The following GON4L variants were observed in gnomAD, a reference collection of about 807,000 sequenced individuals.
GON4L encodes GON-4-like protein.
In GON4L, 87 loss-of-function variants were observed where a neutral mutation model predicts 211.8. The observed-to-expected ratio is 0.41, with a 90% CI of 0.35 to 0.49. The LOEUF is 0.49. Ranked by LOEUF, GON4L falls within the 20% of genes least tolerant of loss-of-function variation. GON4L has a pLI of 0.15. For missense variants in GON4L, 2,155 were observed against 2,659.5 expected, an observed-to-expected ratio of 0.81 and a Z score of 4.17; for synonymous variants, 875 against 962.6, an observed-to-expected ratio of 0.91 and a Z score of 1.68.
At chr1:155,818,321 A>C (rs1246384451) in intron 6 of GON4L, among the ~76,000 whole-genome samples, 2 of 152,090 alleles carry the variant, frequency 1.3e-5, no homozygotes, top group Non-Finnish European at 2.9e-5. Flanking sequence ...CATGTTGGCC[A>C]GGCTGGTCTC....
upstream of GON4L, chr1:155,859,336 G>T (rs1487798588): frequency 1.1e-5 from 2 of 177,384 alleles, no homozygotes; most frequent in South Asian, 1.0e-4. Context: ...GAACCACAGC[G>T]CGTCAGTGGG....
intron 12 of GON4L, among the ~76,000 whole-genome samples, chr1:155,794,057 T>C (rs1392720500): frequency 6.6e-6 from 1 of 152,166 alleles, no homozygotes; most frequent in Non-Finnish European, 1.5e-5. Context: ...AATCAGTTCC[T>C]ACTGATTTAC....
chr1:155,805,124 G>C lies in GON4L; in HGVS notation c.1470C>G (p.Leu490=). Residue 490 remains leucine, a synonymous_variant, in exon 11 of 32, where the codon CTC becomes CTG. Coordinates refer to ENST00000368331, the MANE Select transcript of GON4L (RefSeq NM_001282860.2). ...TCTTAGAACGCGTTCGAAATGCAAT[G>C]AGACTGTCATCCATGGGCTGGACAA... ...MDSFQPMDDS[L]IAFRTRSKMP... 6.2e-7 allele frequency: 1 copy of C among 1,613,022 alleles called. No homozygotes were observed. Among genetic ancestry groups the C allele is most frequent in the South Asian group, 1.1e-5 (1 of 91,056 alleles).
rs568555338 is a variant in GON4L at position 155,856,870 on chromosome 1, A to C, written c.-27+277T>G. Among the ~76,000 whole-genome samples, 20 of 152,312 alleles carry C rather than the reference A, an allele frequency of 1.3e-4. No individual in the cohort carries two copies. The South Asian group carries it at 4.2e-3, about 32-fold the overall frequency. Reference sequence around the variant, plus strand: ...ACAGAATCCACTTTTTTGGGAACCCAAGTCGGACCAGCAGGGTGAATGAAT... The same window carrying C: ...ACAGAATCCACTTTTTTGGGAACCCCAGTCGGACCAGCAGGGTGAATGAAT... On this transcript the variant is annotated intron_variant, in intron 1 of 31. Transcript: ENST00000368331.
chr1:155,853,672 C>T lies in GON4L; in HGVS notation c.109G>A (p.Asp37Asn). The T allele has an allele frequency of 6.2e-7, 1 of 1,613,740 alleles. No individual in the cohort carries two copies. ...DLESAVKPES[D>N]QVKDLSSVSL... ...ACCGAACTCAAGTCCTTAACCTGGT[C>T]AGATTCTGGTTTAACGGCTGATTCT... The change falls in exon 2 of 32, where the codon GAC becomes AAC. Residue 37 changes from aspartate to asparagine, a missense_variant. Asp to Asn is a conservative substitution (Grantham distance 23). Transcript: ENST00000368331.
At chr1:155,846,709 G>C (rs750107304) in intron 2 of GON4L, 2 of 151,880 alleles carry the variant, frequency 1.3e-5, no homozygotes, top group African/African-American at 4.8e-5. Context: ...CACTTTAACT[G>C]CTTGTTAAAA....
At chr1:155,800,721 G>A (rs186724176) in intron 11 of GON4L, among the ~76,000 whole-genome samples, 9 of 151,776 alleles carry the variant, frequency 5.9e-5, no homozygotes, top group East Asian at 3.9e-4. Flanking sequence ...GCATGGTAGC[G>A]CGTACCTGTA....
chr1:155,794,976 C>T (rs887418629), intron 12 of GON4L, 74 bp downstream of exon 12: 3 of 887,088 alleles, frequency 3.4e-6, no homozygotes, highest in Admixed American at 3.4e-5. Context: ...AACTTCACCC[C>T]TAAAAATCTA....
chr1:155,827,839 CTAAAAA>C (rs1388799044), intron 2 of GON4L, among the ~76,000 whole-genome samples: 1 of 151,822 alleles, frequency 6.6e-6, no homozygotes, highest in Non-Finnish European at 1.5e-5. Flanking sequence ...TTTGTCTCTA[CTAAAAA>C]TAAAAATAAA....
At chr1:155,809,312 T>C (rs1423417180) in intron 10 of GON4L, among the ~76,000 whole-genome samples, 4 of 152,122 alleles carry the variant, frequency 2.6e-5, no homozygotes, top group Admixed American at 2.0e-4. Flanking sequence ...TATATGTTTA[T>C]AGTCTATCTC....
chr1:155,824,434 CAAAAAAAAAAAAAA>C (rs769823401), intron 3 of GON4L, among the ~76,000 whole-genome samples: 10 of 7,440 alleles, frequency 1.3e-3, no homozygotes, highest in South Asian at 4.9e-3. Context: ...AACTCCACAT[CAAAAAAAAAAAAAA>C]AAAAAAAAAA....
intron 13 of GON4L, 170 bp from the exon 14 acceptor site, chr1:155,784,259 T>C (rs1664707631): frequency 1.2e-6 from 1 of 826,148 alleles, no homozygotes; most frequent in Non-Finnish European, 1.9e-6. Flanking sequence ...AAACCCACAC[T>C]TGGGATGGCT....
At chr1:155,853,847 AAAGT>A in intron 1 of GON4L, 41 bp from the exon 2 acceptor site, 1 of 1,202,682 alleles carries the variant, frequency 8.3e-7, no homozygotes, top group Non-Finnish European at 1.2e-6. Flanking sequence ...ATATTAATTA[AAAGT>A]AATAACATTT....
intron 3 of GON4L, among the ~76,000 whole-genome samples, chr1:155,826,292 C>G (rs1429794061): frequency 6.6e-6 from 1 of 151,908 alleles, no homozygotes; most frequent in African/African-American, 2.4e-5. Flanking sequence ...TGGCTAGGCG[C>G]AGTGGCTCAC....
At chr1:155,852,138 C>A (rs887832302) in intron 2 of GON4L, among the ~76,000 whole-genome samples, 1 of 143,594 alleles carries the variant, frequency 7.0e-6, no homozygotes, top group Non-Finnish European at 1.5e-5. Flanking sequence ...GCACTCCAGC[C>A]TGGGCAACAG....
At position 155,813,517 on chromosome 1, in the gene GON4L, A is replaced by G. The variant is rs1442328128; in HGVS notation, c.1452+117T>C. The G allele has an allele frequency of 5.0e-6, 4 of 795,630 alleles. No individual in the cohort carries two copies. In the East Asian group the frequency reaches 1.1e-4, roughly 21 times the overall value. 49.3% of individuals were successfully genotyped at this position (795,630 alleles called of 1,614,324 possible). On this transcript the variant is annotated intron_variant, in intron 10 of 31. Transcript: ENST00000368331. ...AGCACTAGCCAAATACAAAGTATCA[A>G]AGACTAACTCTTACTTATATAAAAT...
At chr1:155,839,295 A>G (rs1014245387) in intron 2 of GON4L, among the ~76,000 whole-genome samples, 18 of 147,546 alleles carry the variant, frequency 1.2e-4, no homozygotes, top group Middle Eastern at 6.9e-3. Flanking sequence ...TCTCAGTGGG[A>G]AAAAAAAAAG....
At chr1:155,753,135 G>A in intron 29 of GON4L, 69 bp downstream of exon 29, 2 of 1,183,554 alleles carry the variant, frequency 1.7e-6, no homozygotes, top group Non-Finnish European at 2.5e-6. Flanking sequence ...CAGGCTCATG[G>A]AGGTTCCTGT....
chr1:155,761,558 C>T lies in GON4L; in HGVS notation c.4911+632G>A, dbSNP rs983226955. Among the ~76,000 whole-genome samples, 6 of 148,598 alleles carry T rather than the reference C, an allele frequency of 4.0e-5. No individual in the cohort carries two copies. The East Asian group carries it at 7.8e-4, about 19-fold the overall frequency. ...TCACCAAGGCTGGAGTGCAGTGGTG[C>T]GATCTCGGCTCACTGCAAACTCCGT... On this transcript the variant is annotated intron_variant, in intron 23 of 31. Coordinates refer to ENST00000368331, the MANE Select transcript of GON4L (RefSeq NM_001282860.2).
Sources: gnomAD v4.1 joint callset for allele counts (sites outside exome capture counted in the v4.1 genomes callset) on GRCh38, gnomAD v4.1.1 for gene constraint, MANE v1.5 for transcripts, NCBI Gene and HGNC (gene_info 2026-07-23, HGNC 2026-07-21) for gene names.